The following MYT1L variants were observed in gnomAD, a reference collection of about 807,000 sequenced individuals.
MYT1L encodes the protein myelin transcription factor 1 like.
A neutral mutation model predicts 126.7 loss-of-function variants in MYT1L; 12 were observed. The observed-to-expected ratio is 0.09, with a 90% confidence interval of 0.06 to 0.15. The LOEUF is 0.15. Among genes scored for constraint, MYT1L ranks in the 10% least tolerant of loss-of-function variants. MYT1L has a pLI of 1.00. For missense variants in MYT1L, 979 were observed against 1,585.2 expected (o/e 0.62, Z 6.49); for synonymous variants, 541 against 604.2 (o/e 0.90, Z 1.53).
At position 1,979,602 on chromosome 2, in the gene MYT1L, A is replaced by C. The variant is rs2304008; in HGVS notation, c.56-48T>G. On this transcript the variant is annotated intron_variant, in intron 6 of 24. Coordinates refer to ENST00000647738, the MANE Select transcript of MYT1L (RefSeq NM_001303052.2). This position sits in a 1 kb window ranked among gnomAD's most constrained non-coding sequence, Gnocchi z 4.0. The stretch of plus-strand genomic sequence containing the variant: ...AAAAATTTACCATCTATCACAAGCG[A>C]CCCTCTTCCACAGAAAATTACCAAA... 0.3 allele frequency: 484,618 copies of C among 1,604,514 alleles called. 81,989 individuals are homozygous for C. The highest frequency in any genetic ancestry group is 0.72 in the African/African-American group (54,023 of 74,768).
intron 2 of MYT1L, among the ~76,000 whole-genome samples, chr2:2,275,202 A>ATGTGTGTGTGTGTGTGTG (rs10522538): frequency 7.9e-5 from 11 of 139,452 alleles, no homozygotes; most frequent in African/African-American, 1.4e-4. Flanking sequence ...TAATAATAAA[A>ATGTGTGTGTGTGTGTGTG]TGTGTGTGTG....
intron 1 of MYT1L, among the ~76,000 whole-genome samples, chr2:2,291,549 G>A: frequency 6.6e-6 from 1 of 152,248 alleles, no homozygotes; most frequent in Admixed American, 6.5e-5. Context: ...AAACTGGAAG[G>A]TGAAAATCAA....
intron 4 of MYT1L, among the ~76,000 whole-genome samples, chr2:2,047,259 A>G (rs2068297941): frequency 6.6e-6 from 1 of 152,138 alleles, no homozygotes; most frequent in Non-Finnish European, 1.5e-5. Context: ...TATGCTCTTC[A>G]TTTCACTTGG....
intron 2 of MYT1L, among the ~76,000 whole-genome samples, chr2:2,271,246 G>T (rs537436367): frequency 6.6e-6 from 1 of 152,162 alleles, no homozygotes; most frequent in African/African-American, 2.4e-5. Flanking sequence ...GGAGCTCCCC[G>T]CAGGCATACT....
intron 1 of MYT1L, among the ~76,000 whole-genome samples, chr2:2,286,478 A>T (rs1262468826): frequency 2.6e-5 from 4 of 152,258 alleles, no homozygotes; most frequent in Non-Finnish European, 4.4e-5. Context: ...TAATGCAGAT[A>T]TCAAGTTTCG....
At chr2:2,205,988 CTTT>C (rs34725591) in intron 2 of MYT1L, among the ~76,000 whole-genome samples, 1 of 145,892 alleles carries the variant, frequency 6.9e-6, no homozygotes. Flanking sequence ...TCTTTTCTTT[CTTT>C]TTTTTTTTTG....
At chr2:2,293,183 G>A (rs550848400) in intron 1 of MYT1L, among the ~76,000 whole-genome samples, 49 of 152,300 alleles carry the variant, frequency 3.2e-4, no homozygotes, top group African/African-American at 1.2e-3. Context: ...CTGGCCTCAT[G>A]GGGCCTTTAC....
intron 4 of MYT1L, among the ~76,000 whole-genome samples, chr2:2,011,657 TATAA>T (rs2063840230): frequency 6.6e-6 from 1 of 152,230 alleles, no homozygotes; most frequent in African/African-American, 2.4e-5. Flanking sequence ...ATCCAGAATA[TATAA>T]ATAATTATTA....
intron 18 of MYT1L, among the ~76,000 whole-genome samples, chr2:1,859,256 GCTTT>G (rs1332020673): frequency 6.6e-6 from 1 of 152,170 alleles, no homozygotes; most frequent in African/African-American, 2.4e-5. Flanking sequence ...TGGAATGCTT[GCTTT>G]CTGATATATG....
At chr2:2,317,965 G>A (rs1389225241) in intron 1 of MYT1L, among the ~76,000 whole-genome samples, 2 of 152,304 alleles carry the variant, frequency 1.3e-5, no homozygotes, top group East Asian at 1.9e-4. Flanking sequence ...GTCAAAGGAG[G>A]AAGGGAAAGA....
At chr2:1,970,554 G>A (rs987216760) in intron 8 of MYT1L, among the ~76,000 whole-genome samples, 5 of 152,204 alleles carry the variant, frequency 3.3e-5, no homozygotes, top group South Asian at 2.1e-4. Context: ...TCCCGTGGTC[G>A]GCAGAGGCTC....
intron 18 of MYT1L, among the ~76,000 whole-genome samples, chr2:1,878,298 C>A (rs981703598): frequency 1.1e-4 from 17 of 152,146 alleles, no homozygotes; most frequent in African/African-American, 3.6e-4. Flanking sequence ...TGTCTACAAA[C>A]TGCATTAAAC....
chr2:2,216,293 T>C (rs778699672), intron 2 of MYT1L, among the ~76,000 whole-genome samples: 1 of 152,130 alleles, frequency 6.6e-6, no homozygotes, highest in Non-Finnish European at 1.5e-5. Context: ...TTTAAAAGGA[T>C]TTAACTCATA....
In MYT1L at chr2:2,157,077, C is replaced by T. The variant is rs534706894; in HGVS notation, c.-304+15795G>A. ...AAGTGTCCTGCTGAAATGCTGATGACGTCACAGTCTGAATGGCTTATTACT... is the reference window on the plus strand; with the variant it reads ...AAGTGTCCTGCTGAAATGCTGATGATGTCACAGTCTGAATGGCTTATTACT... On this transcript the variant is annotated intron_variant, in intron 3 of 24. Coordinates refer to ENST00000647738, the MANE Select transcript of MYT1L (RefSeq NM_001303052.2). Among the ~76,000 whole-genome samples, 48 of 152,228 alleles carry T rather than the reference C, an allele frequency of 3.2e-4. No homozygotes were observed. The South Asian group carries it at 4.6e-3, about 14-fold the overall frequency.
chr2:1,839,765 G>C (rs951362520), intron 20 of MYT1L, among the ~76,000 whole-genome samples: 1 of 152,216 alleles, frequency 6.6e-6, no homozygotes, highest in Admixed American at 6.5e-5. Context: ...ATAAGATGTC[G>C]TGGCATTATT....
intron 2 of MYT1L, among the ~76,000 whole-genome samples, chr2:2,251,406 G>A (rs1038571935): frequency 9.2e-5 from 14 of 152,060 alleles, no homozygotes; most frequent in African/African-American, 3.4e-4. Context: ...CAGGGTTTCC[G>A]CCCGTGAATG....
At chr2:2,330,938 G>T (rs1038152358) in intron 1 of MYT1L, 29 bp downstream of exon 1, 5 of 152,008 alleles carry the variant, frequency 3.3e-5, no homozygotes, top group Non-Finnish European at 7.4e-5. Context: ...TAAGTTCCCC[G>T]AAAAATTAAC....
At chr2:2,002,332 C>A (rs2062475675) in intron 4 of MYT1L, among the ~76,000 whole-genome samples, 1 of 152,228 alleles carries the variant, frequency 6.6e-6, no homozygotes, top group South Asian at 2.1e-4. Context: ...ACCTCATCAC[C>A]ACTTATGGTA....
At chr2:2,079,341 T>C (rs538607615) in intron 3 of MYT1L, among the ~76,000 whole-genome samples, 1 of 152,272 alleles carries the variant, frequency 6.6e-6, no homozygotes, top group East Asian at 1.9e-4. Flanking sequence ...TTTAAGAAAT[T>C]AAAGATTGAA....
Sources: gnomAD v4.1 joint callset for allele counts (sites outside exome capture counted in the v4.1 genomes callset) on GRCh38, gnomAD v4.1.1 for gene constraint, Gnocchi (gnomAD v3.1) non-coding constraint, MANE v1.5 for transcripts, NCBI Gene and HGNC (gene_info 2026-07-23, HGNC 2026-07-21) for gene names.